FBLN7: variants seen among roughly 807,000 people sequenced by gnomAD.
The protein encoded by FBLN7 is fibulin-7.
A neutral mutation model predicts 44.0 loss-of-function variants in FBLN7; 31 were observed. That is an observed-to-expected ratio of 0.70 (90% confidence interval 0.53 to 0.95). The LOEUF (loss-of-function observed/expected upper bound fraction) is 0.95. FBLN7 is among the 40% of genes least tolerant of loss of function. The probability of loss-of-function intolerance (pLI) is 0.00; values close to 1 mark genes in which losing one functional copy is unlikely to be tolerated. For synonymous variants in FBLN7, 262 were observed against 253.4 expected (o/e 1.03, Z -0.32); for missense variants, 573 against 618.5 (o/e 0.93, Z 0.78).
chr2:112,146,918 T>C lies in FBLN7; in HGVS notation c.75+8188T>C, dbSNP rs547754135. On this transcript the variant is annotated intron_variant, in intron 1 of 7. Transcript: ENST00000331203. ...GGATTCGTTTTTTCAACATTGAGTA[T>C]GGTTCTGGCTGTAGGTTTTTTGTAG... Among the ~76,000 whole-genome samples, 23 of 152,354 alleles carry C rather than the reference T, an allele frequency of 1.5e-4. No individual in the cohort carries two copies. The South Asian group carries it at 3.3e-3, about 22-fold the overall frequency.
At chr2:112,191,080 C>T (rs114717088), downstream of FBLN7, among the ~76,000 whole-genome samples, 267 of 152,162 alleles carry the variant, frequency 1.8e-3, no homozygotes, top group African/African-American at 6.3e-3. Context: ...TGGGCTCAAG[C>T]GATCCTTCCA....
intron 2 of FBLN7, among the ~76,000 whole-genome samples, chr2:112,163,059 G>A: frequency 6.6e-6 from 1 of 152,228 alleles, no homozygotes; most frequent in East Asian, 1.9e-4. Flanking sequence ...CTTTACTCAA[G>A]GAAGGCGATG....
chr2:112,201,312 G>A, the FBLN7 span, among the ~76,000 whole-genome samples: 17 of 152,184 alleles, frequency 1.1e-4, no homozygotes, highest in African/African-American at 1.7e-4. Context: ...ACGGACCATC[G>A]TGCAGCTCCC....
the FBLN7 span, among the ~76,000 whole-genome samples, chr2:112,197,274 CAG>C: frequency 0.057 from 5,564 of 98,032 alleles, 159 homozygotes; most frequent in African/African-American, 0.07. Flanking sequence ...CACACACACA[CAG>C]AGAGAGAGAG....
chr2:112,165,317 A>G (rs1682094543), intron 3 of FBLN7, 146 bp downstream of exon 3: 2 of 1,001,126 alleles, frequency 2.0e-6, no homozygotes, highest in African/African-American at 3.3e-5. Context: ...AATGTGCCTG[A>G]TCACTCACCT....
chr2:112,149,604 G>C (rs1681052086), intron 1 of FBLN7, among the ~76,000 whole-genome samples: 1 of 152,166 alleles, frequency 6.6e-6, no homozygotes, highest in African/African-American at 2.4e-5. Flanking sequence ...AGGGGCAAGG[G>C]TTTGTGCAGC....
chr2:112,162,564 C>T (rs959363146), intron 2 of FBLN7, among the ~76,000 whole-genome samples: 5 of 152,144 alleles, frequency 3.3e-5, no homozygotes, highest in Admixed American at 6.5e-5. Flanking sequence ...CCTCGGAAGG[C>T]GCAGGGAGCT....
At chr2:112,178,268 ACCAAAAGAAAAC>A (rs1682825375) in intron 4 of FBLN7, among the ~76,000 whole-genome samples, 2 of 149,680 alleles carry the variant, frequency 1.3e-5, no homozygotes. Context: ...AAAAAAAAAA[ACCAAAAGAAAAC>A]AAACAAAAAA....
At position 112,187,861 on chromosome 2, in the gene FBLN7, C is replaced by T; in HGVS notation, c.*355C>T. The T allele has an allele frequency of 2.4e-6, 1 of 416,806 alleles. No homozygotes were observed. Among genetic ancestry groups the T allele is most frequent in the East Asian group, 3.9e-5 (1 of 25,526 alleles). 25.8% of individuals were successfully genotyped at this position (416,806 alleles called of 1,614,324 possible). A position where few individuals can be genotyped will look rare whatever the true frequency, so the allele number is the denominator to read the frequency against. Reference sequence around the variant, plus strand: ...GGAGAGAAAAGGTGGCAATGTGTGTCAGGTGACTATCAGCCCTTCTGCCTT... The same window carrying T: ...GGAGAGAAAAGGTGGCAATGTGTGTTAGGTGACTATCAGCCCTTCTGCCTT... On this transcript the variant is annotated 3_prime_UTR_variant, in exon 8 of 8. Coordinates refer to ENST00000331203, the MANE Select transcript of FBLN7 (RefSeq NM_153214.3). The surrounding 1 kb of genome is among the most constrained non-coding windows in gnomAD (Gnocchi z 5.1).
chr2:112,207,464 CAA>C, the FBLN7 span, among the ~76,000 whole-genome samples: 30 of 79,122 alleles, frequency 3.8e-4, no homozygotes, highest in Non-Finnish European at 3.1e-4. Context: ...GACTCCATCT[CAA>C]AAAAAAAAAA....
At chr2:112,175,879 G>A (rs1682717217) in intron 4 of FBLN7, 40 bp downstream of exon 4, 3 of 1,602,878 alleles carry the variant, frequency 1.9e-6, no homozygotes, top group African/African-American at 1.3e-5. Context: ...ACATCCTGCT[G>A]TGGGGAGAGG....
chr2:112,243,731 C>A, the FBLN7 span, among the ~76,000 whole-genome samples: 1 of 152,022 alleles, frequency 6.6e-6, no homozygotes, highest in African/African-American at 2.4e-5. Flanking sequence ...TTGCTTCTTG[C>A]CTTAAAAACC....
the FBLN7 span, chr2:112,238,640 T>C: frequency 3.8e-6 from 3 of 794,354 alleles, no homozygotes; most frequent in Non-Finnish European, 5.9e-6. Flanking sequence ...AGGTGGGTAA[T>C]AGGTACATGG....
At chr2:112,203,977 T>C in the FBLN7 span, among the ~76,000 whole-genome samples, 2,896 of 152,186 alleles carry the variant, frequency 0.019, 100 homozygotes, top group African/African-American at 0.066. Context: ...TAAGATGAGA[T>C]TTGGGTGAGG....
chr2:112,228,335 C>G, the FBLN7 span, among the ~76,000 whole-genome samples: 1 of 152,006 alleles, frequency 6.6e-6, no homozygotes, highest in East Asian at 1.9e-4. Context: ...AAGCCTGTCT[C>G]TACTAAAAAT....
chr2:112,141,139 C>T (rs1051879829), intron 1 of FBLN7, among the ~76,000 whole-genome samples: 1 of 152,224 alleles, frequency 6.6e-6, no homozygotes, highest in African/African-American at 2.4e-5. Flanking sequence ...AGCCTGCACA[C>T]GGAGTGCCTG....
intron 7 of FBLN7, among the ~76,000 whole-genome samples, chr2:112,186,567 G>A (rs1683278555): frequency 6.6e-6 from 1 of 152,186 alleles, no homozygotes; most frequent in Non-Finnish European, 1.5e-5. Context: ...TTGAGCCTGG[G>A]AGGTGGAGGT....
the FBLN7 span, among the ~76,000 whole-genome samples, chr2:112,199,238 TC>T: frequency 6.6e-6 from 1 of 152,114 alleles, no homozygotes; most frequent in African/African-American, 2.4e-5. Flanking sequence ...TGCATGCAAC[TC>T]TCCCTCTTTG....
rs776892875 is a variant in FBLN7 at position 112,187,301 on chromosome 2, G to A, written c.1115G>A (p.Arg372Gln). ...GGCCGAGCTGGGCCCAACAGCCTGC[G>A]GTTTGGGATCGTGGGTGGGAACAGC... is the stretch of plus-strand genomic sequence containing the variant. ...APGRAGPNSL[R>Q]FGIVGGNSRG... is the part of the protein sequence containing the mutation. Residue 372 changes from arginine (R) to glutamine (Q), a missense_variant, in exon 8 of 8, where the codon CGG becomes CAG. Coordinates refer to ENST00000331203, the MANE Select transcript of FBLN7 (RefSeq NM_153214.3). The surrounding 1 kb of genome is among the most constrained non-coding windows in gnomAD (Gnocchi z 5.1). 1.5e-5 allele frequency: 25 copies of A among 1,614,042 alleles called. No homozygotes were observed. Among genetic ancestry groups the A allele is most frequent in the East Asian group, 2.2e-5 (1 of 44,892 alleles).
Sources: gnomAD v4.1 joint callset for allele counts (sites outside exome capture counted in the v4.1 genomes callset) on GRCh38, gnomAD v4.1.1 for gene constraint, Gnocchi (gnomAD v3.1) non-coding constraint, MANE v1.5 for transcripts, NCBI Gene and HGNC (gene_info 2026-07-23, HGNC 2026-07-21) for gene names.